CUL5: variants seen among roughly 807,000 people sequenced by gnomAD.
CUL5 encodes cullin 5, also known as cullin-5.
A neutral mutation model predicts 108.8 loss-of-function variants in CUL5; 26 were observed. That is an observed-to-expected ratio of 0.24 (90% CI 0.18 to 0.33). CUL5 has a LOEUF of 0.33. Ranked by LOEUF, CUL5 falls within the 10% of genes least tolerant of loss-of-function variation. The probability of loss-of-function intolerance (pLI) is 1.00; values close to 1 mark genes in which losing one functional copy is unlikely to be tolerated. For missense variants in CUL5, 524 were observed against 909.2 expected, an observed-to-expected ratio of 0.58 and a Z score of 5.45; for synonymous variants, 334 against 298.0, an observed-to-expected ratio of 1.12 and a Z score of -1.25.
intron 7 of CUL5, among the ~76,000 whole-genome samples, chr11:108,060,090 G>A (rs1403433103): frequency 1.3e-5 from 2 of 151,882 alleles, no homozygotes; most frequent in Admixed American, 1.3e-4. Flanking sequence ...TAAGCAACTA[G>A]GTCACAAGTT....
In CUL5 at chr11:108,105,934, G is replaced by T; in HGVS notation, c.*1550G>T. 1 of 152,116 alleles carries T rather than the reference G, an allele frequency of 6.6e-6. No homozygotes were observed. 9.4% of individuals were successfully genotyped at this position (152,116 alleles called of 1,614,324 possible). On this transcript the variant is annotated 3_prime_UTR_variant, in exon 19 of 19. Transcript: ENST00000393094. ...CCCATCCGAAGAGGCTTTGTGAACT[G>T]CCTGCTGAATGGAAGGAAAGCAACT...
At chr11:108,046,412 C>A in intron 3 of CUL5, 43 bp downstream of exon 3, 1 of 1,060,930 alleles carries the variant, frequency 9.4e-7, no homozygotes, top group South Asian at 1.4e-5. Flanking sequence ...TAAAACTACT[C>A]AGATAATATC....
chr11:108,042,860 T>C (rs1274078593), intron 2 of CUL5, among the ~76,000 whole-genome samples: 2 of 151,920 alleles, frequency 1.3e-5, no homozygotes, highest in Non-Finnish European at 2.9e-5. Flanking sequence ...CTTCCAGGGT[T>C]CAAGCGATTC....
chr11:108,038,438 A>G (rs1454230616), intron 2 of CUL5, among the ~76,000 whole-genome samples: 1 of 152,170 alleles, frequency 6.6e-6, no homozygotes, highest in African/African-American at 2.4e-5. Flanking sequence ...CTGTAATCCC[A>G]GCACTTTGGG....
intron 5 of CUL5, among the ~76,000 whole-genome samples, chr11:108,054,367 T>G (rs967086866): frequency 2.0e-5 from 3 of 152,228 alleles, no homozygotes; most frequent in African/African-American, 7.2e-5. Context: ...TAAATCCCAT[T>G]GCTTCTGTGA....
At chr11:108,100,283 C>CTG (rs1864622780) in intron 18 of CUL5, among the ~76,000 whole-genome samples, 1 of 152,144 alleles carries the variant, frequency 6.6e-6, no homozygotes, top group South Asian at 2.1e-4. Flanking sequence ...TGGCTCACAC[C>CTG]TGTAATCCCA....
At chr11:108,037,565 C>G (rs189579979) in intron 2 of CUL5, among the ~76,000 whole-genome samples, 42 of 152,296 alleles carry the variant, frequency 2.8e-4, no homozygotes, top group African/African-American at 9.1e-4. Context: ...ATCCAAACTT[C>G]CAAATGTCTT....
At chr11:108,039,936 G>T (rs17107678) in intron 2 of CUL5, among the ~76,000 whole-genome samples, 3,596 of 152,188 alleles carry the variant, frequency 0.024, 154 homozygotes, top group African/African-American at 0.079. Context: ...GCATGTGATT[G>T]TCCTACTACT....
intron 11 of CUL5, among the ~76,000 whole-genome samples, chr11:108,078,843 GA>G (rs1864001485): frequency 6.6e-6 from 1 of 151,984 alleles, no homozygotes; most frequent in South Asian, 2.1e-4. Context: ...TCTTAAGAAG[GA>G]AAAATAATCA....
chr11:108,056,611 G>C (rs552316686), intron 7 of CUL5, among the ~76,000 whole-genome samples: 1 of 152,154 alleles, frequency 6.6e-6, no homozygotes, highest in Admixed American at 6.5e-5. Flanking sequence ...TCAGAAGGCC[G>C]GGAAGGCTGT....
Position 108,107,661 on chromosome 11 carries a change from A to G in CUL5, c.*3277A>G, listed in dbSNP as rs1052864932. 1 of 152,648 alleles carries G rather than the reference A, an allele frequency of 6.6e-6. No individual in the cohort carries two copies. Among genetic ancestry groups the G allele is most frequent in the Non-Finnish European group, 1.5e-5 (1 of 68,030 alleles). 9.5% of individuals were successfully genotyped at this position (152,648 alleles called of 1,614,324 possible). On this transcript the variant is annotated 3_prime_UTR_variant, in exon 19 of 19. Coordinates refer to ENST00000393094, the MANE Select transcript of CUL5 (RefSeq NM_003478.6). ...AATTTTAAGTGGTAGCAGTTTCTGT[A>G]TGCAGTAGGCTGAAATATTTTGATG... is the stretch of plus-strand genomic sequence containing the variant.
intron 8 of CUL5, among the ~76,000 whole-genome samples, chr11:108,071,890 T>C (rs1863833268): frequency 1.3e-5 from 2 of 152,120 alleles, no homozygotes. Flanking sequence ...TAAACATAAT[T>C]TTTAGACTAA....
At chr11:108,075,022 G>A (rs926906379) in intron 10 of CUL5, among the ~76,000 whole-genome samples, 2 of 152,032 alleles carry the variant, frequency 1.3e-5, no homozygotes, top group South Asian at 4.2e-4. Context: ...AAACAGAATG[G>A]TAGAATGTGA....
intron 1 of CUL5, among the ~76,000 whole-genome samples, chr11:108,020,075 C>T (rs3858391): frequency 0.058 from 8,833 of 152,234 alleles, 379 homozygotes; most frequent in Non-Finnish European, 0.079. Flanking sequence ...GAGGGATCCA[C>T]CACCATGACC....
chr11:108,098,479 A>G lies in CUL5; in HGVS notation c.2098A>G (p.Arg700Gly), dbSNP rs748932601. ...GRLQLTTERMREEENEGIVQL... is the reference protein window; with the variant it reads ...GRLQLTTERMGEEENEGIVQL... ...TTTGCAGCTCACTACAGAAAGGATG[A>G]GAGAAGAAGAGAATGAAGGAATAGT... The change falls in exon 18 of 19, where the codon AGA becomes GGA. Residue 700 changes from arginine to glycine, a missense_variant. By Grantham distance (125) the Arg-to-Gly change is moderately radical. This residue lies in a region of CUL5 where 66 missense variants were observed against 81.4 expected (regional missense o/e 0.81). Coordinates refer to ENST00000393094, the MANE Select transcript of CUL5 (RefSeq NM_003478.6). 1 of 1,598,176 alleles carries G rather than the reference A, an allele frequency of 6.3e-7. No homozygotes were observed. The highest frequency in any genetic ancestry group is 8.5e-7 in the Non-Finnish European group (1 of 1,172,324).
chr11:108,035,289 T>G (rs545759751), intron 2 of CUL5, among the ~76,000 whole-genome samples: 3 of 152,220 alleles, frequency 2.0e-5, no homozygotes, highest in Non-Finnish European at 2.9e-5. Flanking sequence ...CCATATCAGA[T>G]ACATAAGACC....
intron 1 of CUL5, among the ~76,000 whole-genome samples, chr11:108,023,709 A>G (rs1006925130): frequency 6.6e-6 from 1 of 152,210 alleles, no homozygotes; most frequent in African/African-American, 2.4e-5. Flanking sequence ...ATAAATGACA[A>G]GCTCCCCAAA....
intron 2 of CUL5, among the ~76,000 whole-genome samples, chr11:108,042,302 C>A (rs913812827): frequency 6.7e-6 from 1 of 149,692 alleles, no homozygotes; most frequent in African/African-American, 2.5e-5. Context: ...TCACTGCAAC[C>A]TCCACCCCCG....
chr11:108,070,655 A>G (rs1565257320), intron 8 of CUL5, among the ~76,000 whole-genome samples: 1 of 152,140 alleles, frequency 6.6e-6, no homozygotes, highest in Admixed American at 6.5e-5. Context: ...TTTCTTAAAA[A>G]GATGTGTTTT....
Sources: gnomAD v4.1 joint callset for allele counts (sites outside exome capture counted in the v4.1 genomes callset) on GRCh38, gnomAD v4.1.1 for gene constraint, gnomAD v4.1.1 regional missense constraint, MANE v1.5 for transcripts, NCBI Gene and HGNC (gene_info 2026-07-23, HGNC 2026-07-21) for gene names.